WWC2: variants seen among roughly 807,000 people sequenced by gnomAD.
The protein encoded by WWC2 is WW and C2 domain containing 2.
Under a neutral mutation model 138.5 loss-of-function variants are expected in WWC2, and 101 were observed. The observed-to-expected ratio is 0.73, with a 90% confidence interval of 0.62 to 0.86. WWC2 has a LOEUF of 0.86. Ranked by LOEUF, WWC2 falls within the 40% of genes least tolerant of loss-of-function variation. The probability of loss-of-function intolerance (pLI) is 0.00; values close to 1 mark genes in which losing one functional copy is unlikely to be tolerated. For synonymous variants in WWC2, 558 were observed against 538.4 expected (o/e 1.04, Z -0.50); for missense variants, 1,420 against 1,419.4 (o/e 1.00, Z -0.01).
chr4:183,157,812 T>C (rs1356298830), intron 1 of WWC2, among the ~76,000 whole-genome samples: 1 of 3,126 alleles, frequency 3.2e-4, no homozygotes, highest in Admixed American at 4.2e-3. Flanking sequence ...TGTCACTTAA[T>C]TTTTTTTTTT....
intron 1 of WWC2, among the ~76,000 whole-genome samples, chr4:183,117,659 CTCA>C (rs1158389662): frequency 1.3e-5 from 2 of 150,510 alleles, no homozygotes; most frequent in Non-Finnish European, 2.9e-5. Context: ...GAGACAAGGT[CTCA>C]TCTCCCTGTG....
At chr4:183,116,584 C>T (rs1289098486) in intron 1 of WWC2, among the ~76,000 whole-genome samples, 2 of 152,182 alleles carry the variant, frequency 1.3e-5, no homozygotes, top group Non-Finnish European at 2.9e-5. Context: ...TAGGAAAGGC[C>T]TTTGGCCGCC....
intron 1 of WWC2, among the ~76,000 whole-genome samples, chr4:183,099,940 G>A (rs1312603472): frequency 6.6e-6 from 1 of 152,228 alleles, no homozygotes; most frequent in Non-Finnish European, 1.5e-5. Flanking sequence ...TAGGCTTCGA[G>A]GTGCCCACGT....
chr4:183,286,185 C>A (rs1560887432), intron 20 of WWC2, 126 bp downstream of exon 20: 4 of 860,050 alleles, frequency 4.7e-6, no homozygotes, highest in South Asian at 1.6e-5. Flanking sequence ...CTGAATGCAG[C>A]CACTGGGATA....
At chr4:183,312,829 C>G (rs917820245) in intron 22 of WWC2, among the ~76,000 whole-genome samples, 2 of 152,218 alleles carry the variant, frequency 1.3e-5, no homozygotes, top group African/African-American at 4.8e-5. Flanking sequence ...AAACCTTACA[C>G]CTTGTCAGGC....
chr4:183,243,739 G>A (rs182291173), intron 5 of WWC2, among the ~76,000 whole-genome samples: 7 of 10,232 alleles, frequency 6.8e-4, no homozygotes, highest in African/African-American at 1.9e-3. Context: ...TCTAAACACT[G>A]TGTGTGTGTG....
At chr4:183,226,298 A>G (rs1042338860) in intron 4 of WWC2, among the ~76,000 whole-genome samples, 3 of 151,936 alleles carry the variant, frequency 2.0e-5, no homozygotes, top group African/African-American at 4.8e-5. Flanking sequence ...GGATTTTGCC[A>G]TGTTGTCCAG....
intron 1 of WWC2, among the ~76,000 whole-genome samples, chr4:183,171,781 T>G (rs959575066): frequency 6.6e-6 from 1 of 152,208 alleles, no homozygotes; most frequent in Non-Finnish European, 1.5e-5. Context: ...CCGCTGTGTT[T>G]TTAAATAACT....
At chr4:183,172,967 A>G (rs537826151) in intron 1 of WWC2, among the ~76,000 whole-genome samples, 1 of 152,000 alleles carries the variant, frequency 6.6e-6, no homozygotes, top group Admixed American at 6.6e-5. Flanking sequence ...CATATTGTTC[A>G]TTTCCAGGAA....
At chr4:183,269,202 A>AT (rs11407064) in intron 15 of WWC2, 39 bp downstream of exon 15, 26 of 1,586,070 alleles carry the variant, frequency 1.6e-5, no homozygotes, top group South Asian at 5.8e-5. Context: ...AATAGCACTT[A>AT]GATTGGGTGG....
chr4:183,143,930 G>A lies in WWC2; in HGVS notation c.131+44308G>A, dbSNP rs148595421. ...CTTTTACTAAAATTGAAGGTGGTACGTATTTTAAGTGATGACTTTGTATGG... is the reference window on the plus strand; with the variant it reads ...CTTTTACTAAAATTGAAGGTGGTACATATTTTAAGTGATGACTTTGTATGG... On this transcript the variant is annotated intron_variant, in intron 1 of 22. Transcript: ENST00000403733. Among the ~76,000 whole-genome samples, 4 of 152,234 alleles carry A rather than the reference G, an allele frequency of 2.6e-5. No individual in the cohort carries two copies. In the East Asian group the frequency reaches 7.7e-4, roughly 29 times the overall value.
At position 183,196,077 on chromosome 4, in the gene WWC2, C is replaced by G. The variant is rs191329471; in HGVS notation, c.241+2369C>G. ...TTCCGCTTACTCTCTTGCTTCCTCT[C>G]TCACCACATAATGTGGTGCTCCCGC... On this transcript the variant is annotated intron_variant, in intron 2 of 22. Coordinates refer to ENST00000403733, the MANE Select transcript of WWC2 (RefSeq NM_024949.6). Among the ~76,000 whole-genome samples the G allele has an allele frequency of 2.0e-4, 31 of 152,306 alleles. No homozygotes were observed. In the East Asian group the frequency reaches 4.8e-3, roughly 24 times the overall value.
intron 1 of WWC2, among the ~76,000 whole-genome samples, chr4:183,105,936 C>T (rs894372230): frequency 1.3e-5 from 2 of 150,326 alleles, no homozygotes; most frequent in African/African-American, 4.9e-5. Flanking sequence ...CATTTCTAAA[C>T]TCCTGTTACT....
At position 183,245,534 on chromosome 4, in the gene WWC2, G is replaced by T; in HGVS notation, c.721G>T (p.Asp241Tyr). ...TAGCTCAGGAGAAAAAGAAAAACAA[G>T]ATCTGATGCAGGTACATTATAAAAC... ...AISSGEKEKQ[D>Y]LMQSLAKLQE... The change falls in exon 6 of 23, where the codon GAT becomes TAT. Residue 241 changes from aspartate to tyrosine, a missense_variant. Asp to Tyr is a radical substitution (Grantham distance 160). Transcript: ENST00000403733. 6.3e-7 allele frequency: 1 copy of T among 1,592,202 alleles called. No homozygotes were observed. The highest frequency in any genetic ancestry group is 8.5e-7 in the Non-Finnish European group (1 of 1,172,942).
intron 2 of WWC2, among the ~76,000 whole-genome samples, chr4:183,205,345 G>T (rs1355628339): frequency 6.6e-6 from 1 of 152,118 alleles, no homozygotes; most frequent in African/African-American, 2.4e-5. Flanking sequence ...CTGCTTACTG[G>T]CTATTTGCAC....
chr4:183,123,402 G>GGTGT (rs67158904), intron 1 of WWC2, among the ~76,000 whole-genome samples: 65,472 of 147,238 alleles, frequency 0.44, 14,742 homozygotes, highest in Middle Eastern at 0.53. Context: ...GCAAGTTTCA[G>GGTGT]GTGTGTGTGT....
At chr4:183,237,364 G>A (rs548019189) in intron 4 of WWC2, among the ~76,000 whole-genome samples, 102 of 151,266 alleles carry the variant, frequency 6.7e-4, no homozygotes, top group Admixed American at 7.2e-4. Flanking sequence ...TGAAAATGCT[G>A]TTCTAAATAG....
intron 1 of WWC2, among the ~76,000 whole-genome samples, chr4:183,159,554 C>T (rs1733899090): frequency 6.6e-6 from 1 of 151,996 alleles, no homozygotes; most frequent in Non-Finnish European, 1.5e-5. Flanking sequence ...CAAGCATGCA[C>T]CACAACACCT....
At chr4:183,291,063 C>T (rs942314033) in intron 21 of WWC2, among the ~76,000 whole-genome samples, 5 of 152,220 alleles carry the variant, frequency 3.3e-5, no homozygotes, top group African/African-American at 1.2e-4. Context: ...CCGGTGTTTG[C>T]TCAGTGTGGA....
Sources: gnomAD v4.1 joint callset for allele counts (sites outside exome capture counted in the v4.1 genomes callset) on GRCh38, gnomAD v4.1.1 for gene constraint, MANE v1.5 for transcripts, NCBI Gene and HGNC (gene_info 2026-07-23, HGNC 2026-07-21) for gene names.